Variants in LAMA4 observed in about 807,000 individuals in gnomAD.
LAMA4 encodes the protein laminin subunit alpha-4.
In LAMA4, 127 loss-of-function variants were observed where a neutral mutation model predicts 207.1. The ratio of observed to expected loss-of-function variants is 0.61; its 90% CI spans 0.53 to 0.71. The LOEUF is 0.71. Ranked by LOEUF, LAMA4 falls within the 30% of genes least tolerant of loss-of-function variation. The pLI is 0.00. For synonymous variants in LAMA4, 761 were observed against 816.0 expected (o/e 0.93, Z 1.15); for missense variants, 2,093 against 2,246.5 (o/e 0.93, Z 1.38).
intron 14 of LAMA4, among the ~76,000 whole-genome samples, chr6:112,157,202 A>C (rs939660468): frequency 1.3e-5 from 2 of 152,192 alleles, no homozygotes; most frequent in African/African-American, 4.8e-5. Context: ...ACATTTTTTA[A>C]AAAAGGGACA....
At chr6:112,184,151 T>A (rs1219128842) in intron 9 of LAMA4, among the ~76,000 whole-genome samples, 1 of 152,022 alleles carries the variant, frequency 6.6e-6, no homozygotes, top group African/African-American at 2.4e-5. Context: ...AGGGACACAA[T>A]TTTCATGATA....
intron 14 of LAMA4, 87 bp downstream of exon 14, chr6:112,158,645 A>G (rs1780868801): frequency 7.7e-7 from 1 of 1,299,158 alleles, no homozygotes; most frequent in Admixed American, 1.7e-5. Context: ...GTAAAATTGT[A>G]TCCCAGTAGT....
intron 2 of LAMA4, among the ~76,000 whole-genome samples, chr6:112,243,848 G>A (rs1462302774): frequency 3.3e-5 from 5 of 151,980 alleles, no homozygotes; most frequent in African/African-American, 4.8e-5. Context: ...GCCTGAGGTC[G>A]GGAGTTCAAG....
chr6:112,114,238 G>C, intron 37 of LAMA4, 43 bp from the exon 38 acceptor site: 1 of 1,597,034 alleles, frequency 6.3e-7, no homozygotes, highest in Non-Finnish European at 8.6e-7. Context: ...GCACTGGAGT[G>C]ATGAATTTTT....
rs1554339567 is a variant in LAMA4, at chr6:112,165,216, C to T, written c.1612G>A (p.Ala538Thr). 1 of 1,613,784 alleles carries T rather than the reference C, an allele frequency of 6.2e-7. No individual in the cohort carries two copies. Among genetic ancestry groups the T allele is most frequent in the Admixed American group, 1.7e-5 (1 of 60,034 alleles). ...AGACGAGGTGTTGTCAGAGAGTCCG[C>T]AGATGTGCTCAGAGACATGTTCACC... ...EVVNMSLSTS[A>T]DSLTTPRLTL... The change falls in exon 13 of 39, where the codon GCG becomes ACG. Residue 538 changes from alanine to threonine, a missense_variant. Physicochemically the swap from Ala to Thr is moderately conservative, Grantham distance 58. Around this residue, in one of 3 missense-constraint regions of LAMA4, gnomAD observed 1,704 missense variants for 1,788.4 expected, o/e 0.95. Coordinates refer to ENST00000230538, the MANE Select transcript of LAMA4 (RefSeq NM_001105206.3).
chr6:112,163,237 T>C (rs1781177585), intron 13 of LAMA4, among the ~76,000 whole-genome samples: 1 of 152,038 alleles, frequency 6.6e-6, no homozygotes, highest in African/African-American at 2.4e-5. Context: ...CACCTTGGCC[T>C]CCCAGAGTGC....
intron 2 of LAMA4, among the ~76,000 whole-genome samples, chr6:112,225,945 C>T (rs1554362300): frequency 1.3e-5 from 2 of 152,140 alleles, no homozygotes; most frequent in Non-Finnish European, 2.9e-5. Flanking sequence ...AAATTCTCTA[C>T]ACATAATGCA....
intron 8 of LAMA4, chr6:112,186,862 T>A (rs1782714548): frequency 1.3e-5 from 6 of 455,650 alleles, no homozygotes; most frequent in Non-Finnish European, 1.8e-5. Flanking sequence ...TGTTTTTTAA[T>A]CTGTTGGCTG....
chr6:112,195,372 G>A (rs1783352897), intron 5 of LAMA4, among the ~76,000 whole-genome samples: 1 of 152,216 alleles, frequency 6.6e-6, no homozygotes, highest in African/African-American at 2.4e-5. Context: ...AGTTGAGCAA[G>A]CTAGAGAGTA....
In LAMA4 at chr6:112,119,759, T is replaced by C. The variant is rs1778238080; in HGVS notation, c.4666-448A>G. ...ATGTTCTCTATGAAGCTTTTCCCAGTTAACCAGGCCACATATAGACAGAAC... is the reference window on the plus strand; with the variant it reads ...ATGTTCTCTATGAAGCTTTTCCCAGCTAACCAGGCCACATATAGACAGAAC... On this transcript the variant is annotated intron_variant, in intron 33 of 38. Transcript: ENST00000230538. Among the ~76,000 whole-genome samples, 3 of 152,242 alleles carry C rather than the reference T, an allele frequency of 2.0e-5. No homozygotes were observed. In the South Asian group the frequency reaches 6.2e-4, roughly 32 times the overall value.
intron 5 of LAMA4, among the ~76,000 whole-genome samples, chr6:112,199,095 T>C (rs765772163): frequency 6.6e-6 from 1 of 152,156 alleles, no homozygotes; most frequent in Non-Finnish European, 1.5e-5. Flanking sequence ...CAGCAGCAGA[T>C]CTGACCCAGC....
At chr6:112,170,850 C>T (rs535856661) in intron 12 of LAMA4, among the ~76,000 whole-genome samples, 4 of 152,064 alleles carry the variant, frequency 2.6e-5, no homozygotes, top group Non-Finnish European at 4.4e-5. Context: ...GGAAGTAATG[C>T]CTGAGGTAAG....
At chr6:112,164,560 T>A (rs1386433745) in intron 13 of LAMA4, among the ~76,000 whole-genome samples, 1 of 152,148 alleles carries the variant, frequency 6.6e-6, no homozygotes, top group Non-Finnish European at 1.5e-5. Context: ...GGGAGTCAGT[T>A]TGGAGAGAAA....
Position 112,191,825 on chromosome 6 carries a change from G to T in LAMA4, c.529C>A (p.Pro177Thr). The T allele has an allele frequency of 6.2e-7, 1 of 1,613,754 alleles. No homozygotes were observed. The highest frequency in any genetic ancestry group is 8.5e-7 in the Non-Finnish European group (1 of 1,179,788). The change falls in exon 6 of 39, where the codon CCC (proline) becomes ACC (threonine). Residue 177 changes from proline (P) to threonine (T), a missense_variant. By Grantham distance (38) the Pro-to-Thr change is conservative. Transcript: ENST00000230538. ...TTACAGGTGCTTCCAATGAGTAAGG[G>T]GTTTCCATAGTAACCGGGAGCACAT... is the stretch of plus-strand genomic sequence containing the variant. ...ERCAPGYYGNPLLIGSTCKKC... is the reference protein window; with the variant it reads ...ERCAPGYYGNTLLIGSTCKKC...
chr6:112,115,713 A>G, intron 36 of LAMA4, 150 bp downstream of exon 36: 1 of 863,620 alleles, frequency 1.2e-6, no homozygotes. Context: ...GAATCCAAAT[A>G]TTGCCCACAT....
At chr6:112,235,950 G>A (rs1296420396) in intron 2 of LAMA4, 1 of 152,156 alleles carries the variant, frequency 6.6e-6, no homozygotes, top group Non-Finnish European at 1.5e-5. Flanking sequence ...AACTTTCAAC[G>A]TTTTAGCAAT....
chr6:112,218,489 A>T (rs1341316231), intron 2 of LAMA4: 4 of 152,212 alleles, frequency 2.6e-5, no homozygotes, highest in African/African-American at 9.7e-5. Context: ...TTGGACAAGG[A>T]CAGCAAACTG....
At position 112,122,167 on chromosome 6, in the gene LAMA4, G is replaced by A. The variant is rs782186408; in HGVS notation, c.4322C>T (p.Pro1441Leu). ...CCGCTCTGGGAGTTTCAGAGCAACA[G>A]GATCCCATGAAGGTGCATCTTTACT... ...GKSKDAPSWDPVALKLPERNT... is the reference protein window; with the variant it reads ...GKSKDAPSWDLVALKLPERNT... The change falls in exon 32 of 39, where the codon CCT becomes CTT. Residue 1441 changes from proline (P) to leucine (L), a missense_variant. Transcript: ENST00000230538. The A allele has an allele frequency of 8.7e-6, 14 of 1,613,670 alleles. No homozygotes were observed. The South Asian group carries it at 9.9e-5, about 11-fold the overall frequency.
intron 30 of LAMA4, among the ~76,000 whole-genome samples, chr6:112,129,675 A>C (rs1324601826): frequency 1.3e-5 from 2 of 152,160 alleles, no homozygotes; most frequent in African/African-American, 2.4e-5. Flanking sequence ...AGGCTTACTT[A>C]GTCAAGGTCA....
Sources: allele counts gnomAD v4.1 joint callset (sites outside exome capture counted in the v4.1 genomes callset), GRCh38; gene constraint gnomAD v4.1.1; regional missense constraint gnomAD v4.1.1; transcripts MANE v1.5; gene names NCBI Gene and HGNC (gene_info 2026-07-23, HGNC 2026-07-21).